MRPS28: variants seen among roughly 807,000 people sequenced by gnomAD.
The protein encoded by MRPS28 is small ribosomal subunit protein bS1m.
A neutral mutation model predicts 10.8 loss-of-function variants in MRPS28; 7 were observed. The ratio of observed to expected loss-of-function variants is 0.65; its 90% CI spans 0.37 to 1.22. MRPS28 has a LOEUF of 1.22. MRPS28 is among the 50% of genes most tolerant of loss of function. The probability of loss-of-function intolerance (pLI) is 0.02; values close to 1 mark genes in which losing one functional copy is unlikely to be tolerated. For missense variants in MRPS28, 265 were observed against 232.9 expected (o/e 1.14, Z -0.90); for synonymous variants, 121 against 93.3 (o/e 1.30, Z -1.71).
At position 79,920,299 on chromosome 8, in the gene MRPS28, T is replaced by C. The variant is rs181307737; in HGVS notation, c.396-1151A>G. Among the ~76,000 whole-genome samples the C allele has an allele frequency of 2.6e-3, 402 of 152,350 alleles. 2 individuals carry two copies. Among genetic ancestry groups the C allele is most frequent in the African/African-American group, 9.1e-3 (378 of 41,582 alleles). On this transcript the variant is annotated intron_variant, in intron 2 of 2. Transcript: ENST00000276585. ...AGCATGTTTTATAATCCTTTGGGTA[T>C]ATACCCAGTAATGAGATGGCTGGGT...
chr8:79,948,725 T>C (rs1327656765), intron 2 of MRPS28, among the ~76,000 whole-genome samples: 1 of 152,212 alleles, frequency 6.6e-6, no homozygotes, highest in Non-Finnish European at 1.5e-5. Context: ...CCTGATCATA[T>C]GGATTTTCTT....
At chr8:80,021,213 G>T (rs1809353655) in intron 1 of MRPS28, among the ~76,000 whole-genome samples, 1 of 152,090 alleles carries the variant, frequency 6.6e-6, no homozygotes, top group Non-Finnish European at 1.5e-5. Context: ...ATGTTGGTCA[G>T]GATGGTCTTG....
At chr8:80,001,575 G>A (rs535071221) in intron 2 of MRPS28, among the ~76,000 whole-genome samples, 6 of 152,292 alleles carry the variant, frequency 3.9e-5, no homozygotes, top group African/African-American at 1.4e-4. Context: ...AATTCCTTCA[G>A]TAGCCGTTTA....
At chr8:79,924,353 T>A (rs1259551879) in intron 2 of MRPS28, among the ~76,000 whole-genome samples, 1 of 152,212 alleles carries the variant, frequency 6.6e-6, no homozygotes, top group Non-Finnish European at 1.5e-5. Flanking sequence ...TTAATTAACA[T>A]CAATTTGTTT....
intron 1 of MRPS28, among the ~76,000 whole-genome samples, chr8:80,011,407 A>T (rs547433759): frequency 6.1e-5 from 9 of 146,830 alleles, no homozygotes; most frequent in Admixed American, 6.8e-5. Context: ...CGCTTTGGCT[A>T]TTTTTTTTTT....
chr8:79,927,983 C>T (rs1272221085), intron 2 of MRPS28, among the ~76,000 whole-genome samples: 1 of 152,010 alleles, frequency 6.6e-6, no homozygotes, highest in African/African-American at 2.4e-5. Context: ...GGGTGGAGCA[C>T]AAAGACTACT....
intron 2 of MRPS28, among the ~76,000 whole-genome samples, chr8:80,000,835 G>C (rs1305109331): frequency 6.6e-6 from 1 of 151,986 alleles, no homozygotes; most frequent in Non-Finnish European, 1.5e-5. Context: ...AGTCCAGCTG[G>C]GGCAATTTAA....
At chr8:80,011,208 T>A (rs1265721326) in intron 1 of MRPS28, among the ~76,000 whole-genome samples, 1 of 151,166 alleles carries the variant, frequency 6.6e-6, no homozygotes, top group East Asian at 2.0e-4. Flanking sequence ...CATTATTCCA[T>A]CCATAGTAGC....
At chr8:79,947,825 G>A (rs1253893298) in intron 2 of MRPS28, among the ~76,000 whole-genome samples, 1 of 150,962 alleles carries the variant, frequency 6.6e-6, no homozygotes, top group Non-Finnish European at 1.5e-5. Flanking sequence ...TTTTAGTAGA[G>A]ACGGGGTTTC....
rs575217241 is a variant in MRPS28 at position 80,030,076 on chromosome 8, C to T, written c.173G>A (p.Arg58Gln). The change falls in exon 1 of 3, where the codon CGG becomes CAG. Residue 58 changes from arginine to glutamine, a missense_variant. Transcript: ENST00000276585. ...RAGGFASALE[R>Q]HSELLQKVEP... ...CACCTTCTGTAGAAGCTCCGAGTGCCGCTCCAACGCGCTCGCGAAACCGCC... is the reference window on the plus strand; with the variant it reads ...CACCTTCTGTAGAAGCTCCGAGTGCTGCTCCAACGCGCTCGCGAAACCGCC... 86 of 1,609,858 alleles carry T rather than the reference C, an allele frequency of 5.3e-5. 3 individuals are homozygous for T. The South Asian group carries it at 7.9e-4, about 15-fold the overall frequency.
chr8:79,933,869 A>G (rs985511721), intron 2 of MRPS28, among the ~76,000 whole-genome samples: 14 of 152,224 alleles, frequency 9.2e-5, no homozygotes, highest in Non-Finnish European at 2.9e-5. Flanking sequence ...TAGCCTGAAG[A>G]TATTTATTCT....
intron 1 of MRPS28, among the ~76,000 whole-genome samples, chr8:80,020,362 T>C (rs1056621040): frequency 6.6e-6 from 1 of 152,168 alleles, no homozygotes; most frequent in Admixed American, 6.5e-5. Flanking sequence ...CCTGCACTAG[T>C]TTTTCAGGTT....
At chr8:79,977,800 G>A (rs1807843592) in intron 2 of MRPS28, among the ~76,000 whole-genome samples, 2 of 151,442 alleles carry the variant, frequency 1.3e-5, no homozygotes, top group African/African-American at 4.9e-5. Flanking sequence ...CTGGGTGACA[G>A]AGTGAGACTG....
At chr8:80,010,510 T>TGTA (rs1395767309) in intron 1 of MRPS28, among the ~76,000 whole-genome samples, 1 of 152,196 alleles carries the variant, frequency 6.6e-6, no homozygotes, top group African/African-American at 2.4e-5. Flanking sequence ...GTTTAAAAGG[T>TGTA]GTAGACACTA....
At chr8:79,926,372 T>C (rs566854674) in intron 2 of MRPS28, among the ~76,000 whole-genome samples, 1 of 152,210 alleles carries the variant, frequency 6.6e-6, no homozygotes, top group Non-Finnish European at 1.5e-5. Flanking sequence ...GTACAAGAAA[T>C]CTACCTTTTC....
intron 1 of MRPS28, among the ~76,000 whole-genome samples, chr8:80,024,784 C>T (rs968675448): frequency 1.3e-5 from 2 of 152,268 alleles, no homozygotes; most frequent in East Asian, 3.9e-4. Context: ...AGAGGGTGGA[C>T]TGAAAATGGC....
At chr8:80,020,068 T>C (rs147885340) in intron 1 of MRPS28, among the ~76,000 whole-genome samples, 8 of 152,304 alleles carry the variant, frequency 5.3e-5, no homozygotes, top group African/African-American at 1.9e-4. Flanking sequence ...GCAGGAGAAC[T>C]AGAAGCAGGT....
At chr8:79,939,455 T>C (rs1806699575) in intron 2 of MRPS28, among the ~76,000 whole-genome samples, 1 of 152,168 alleles carries the variant, frequency 6.6e-6, no homozygotes, top group Admixed American at 6.5e-5. Context: ...AGCCATATTG[T>C]GATTAAAAAA....
intron 1 of MRPS28, among the ~76,000 whole-genome samples, chr8:80,011,278 G>C (rs1433957576): frequency 2.0e-5 from 3 of 151,724 alleles, no homozygotes; most frequent in East Asian, 3.9e-4. Flanking sequence ...TATCAACTTG[G>C]GGGTCTCTGC....
Sources: gnomAD v4.1 joint callset for allele counts (sites outside exome capture counted in the v4.1 genomes callset) on GRCh38, gnomAD v4.1.1 for gene constraint, MANE v1.5 for transcripts, NCBI Gene and HGNC (gene_info 2026-07-23, HGNC 2026-07-21) for gene names.